BOD1L1: variants seen among roughly 807,000 people sequenced by gnomAD.
The protein encoded by BOD1L1 is biorientation of chromosomes in cell division protein 1-like 1.
Under a neutral mutation model 240.7 loss-of-function variants are expected in BOD1L1, and 86 were observed. The ratio of observed to expected loss-of-function variants is 0.36; its 90% CI spans 0.30 to 0.43. BOD1L1 has a LOEUF of 0.43. Ranked by LOEUF, BOD1L1 falls within the 20% of genes least tolerant of loss-of-function variation. The pLI is 1.00. For synonymous variants in BOD1L1, 1,268 were observed against 1,272.3 expected (o/e 1.00, Z 0.07); for missense variants, 3,554 against 3,643.5 (o/e 0.98, Z 0.63).
Position 13,613,155 on chromosome 4 carries a change from G to A in BOD1L1, c.1324+357C>T, listed in dbSNP as rs867555487. 2.6e-5 allele frequency among the ~76,000 whole-genome samples: 4 copies of A among 152,076 alleles called. No homozygotes were observed. Among genetic ancestry groups the A allele is most frequent in the South Asian group, 2.1e-4 (1 of 4,814 alleles). The stretch of plus-strand genomic sequence containing the variant: ...ATCTAACGGTGGTCTTAGGGAACCC[G>A]GAACTTGCAACTGGTGCCATTAATT... On this transcript the variant is annotated intron_variant, in intron 5 of 25. Coordinates refer to ENST00000040738, the MANE Select transcript of BOD1L1 (RefSeq NM_148894.3). This position sits in a 1 kb window ranked among gnomAD's most constrained non-coding sequence, Gnocchi z 4.0.
intron 12 of BOD1L1, among the ~76,000 whole-genome samples, chr4:13,594,580 A>G (rs1480113737): frequency 6.6e-6 from 1 of 152,190 alleles, no homozygotes; most frequent in East Asian, 1.9e-4. Flanking sequence ...TAATTATCTG[A>G]AAAGGCTACT....
In BOD1L1 at chr4:13,582,250, A is replaced by G. The variant is rs1212667048; in HGVS notation, c.8579T>C (p.Ile2860Thr). 6.2e-7 allele frequency: 1 copy of G among 1,613,034 alleles called. No individual in the cohort carries two copies. The highest frequency in any genetic ancestry group is 1.1e-5 in the South Asian group (1 of 90,954). Reference protein sequence around the residue: ...EKPEQNDDDTIKSQEEDQPII... With the variant: ...EKPEQNDDDTTKSQEEDQPII... ...AGCACATCTCACCTCCTGAGATTTTATGGTGTCATCATCGTTCTGCTCTGG... is the reference window on the plus strand; with the variant it reads ...AGCACATCTCACCTCCTGAGATTTTGTGGTGTCATCATCGTTCTGCTCTGG... The change falls in exon 19 of 26, where the codon ATA (isoleucine) becomes ACA (threonine). Residue 2860 changes from isoleucine to threonine, a missense_variant. By Grantham distance (89) the Ile-to-Thr change is moderately conservative. This residue lies in a region of BOD1L1 where 3,393 missense variants were observed against 3,427.1 expected (regional missense o/e 0.99). Transcript: ENST00000040738.
rs745778946 is a variant in BOD1L1, at chr4:13,603,515, C to T, written c.3385G>A (p.Glu1129Lys). Residue 1129 changes from glutamate to lysine, a missense_variant, in exon 10 of 26, where the codon GAA (glutamate) becomes AAA (lysine). By Grantham distance (56) the Glu-to-Lys change is moderately conservative. This residue lies in a region of BOD1L1 where 3,393 missense variants were observed against 3,427.1 expected (regional missense o/e 0.99). Coordinates refer to ENST00000040738, the MANE Select transcript of BOD1L1 (RefSeq NM_148894.3). Reference protein sequence around the residue: ...PMEIDSEPGVENVFEVSKTQD... With the variant: ...PMEIDSEPGVKNVFEVSKTQD... ...GTTTTAGATACTTCAAACACATTTT[C>T]AACACCTGGCTCAGAATCAATTTCC... 8 of 1,613,960 alleles carry T rather than the reference C, an allele frequency of 5.0e-6. No homozygotes were observed. The Admixed American group carries it at 1.2e-4, about 24-fold the overall frequency.
At position 13,600,807 on chromosome 4, in the gene BOD1L1, A is replaced by G; in HGVS notation, c.6093T>C (p.Asp2031=). The G allele has an allele frequency of 6.2e-7, 1 of 1,613,918 alleles. No individual in the cohort carries two copies. Among genetic ancestry groups the G allele is most frequent in the Admixed American group, 1.7e-5 (1 of 60,014 alleles). ...VAHTSPSEKE[D]EDIITSVENE... ...TTTCTACAGAGGTGATGATGTCCTCATCTTCTTTTTCACTTGGTGATGTGT... is the reference window on the plus strand; with the variant it reads ...TTTCTACAGAGGTGATGATGTCCTCGTCTTCTTTTTCACTTGGTGATGTGT... Residue 2031 remains aspartate (D), a synonymous_variant, in exon 10 of 26, where the codon GAT becomes GAC. Transcript: ENST00000040738.
rs1365644786 is a variant in BOD1L1 at position 13,586,337 on chromosome 4, C to T, written c.8433+59G>A. 1.7e-5 allele frequency: 16 copies of T among 946,648 alleles called. No homozygotes were observed. The East Asian group carries it at 3.7e-4, about 22-fold the overall frequency. 58.6% of individuals were successfully genotyped at this position (946,648 alleles called of 1,614,324 possible). On this transcript the variant is annotated intron_variant, in intron 17 of 25. Transcript: ENST00000040738. ...AATATTATACTAAGTATTTACAATG[C>T]TGTAATTAGGCCTCCCTACCCCCAC...
chr4:13,612,309 G>A (rs1216879640), intron 5 of BOD1L1, among the ~76,000 whole-genome samples: 1 of 152,178 alleles, frequency 6.6e-6, no homozygotes, highest in African/African-American at 2.4e-5. Flanking sequence ...GCTCTCTACA[G>A]GCAGTTGCAA....
Position 13,577,587 on chromosome 4 carries a change from T to C in BOD1L1, c.8794A>G (p.Ser2932Gly). 1 of 1,571,886 alleles carries C rather than the reference T, an allele frequency of 6.4e-7. No individual in the cohort carries two copies. Among genetic ancestry groups the C allele is most frequent in the Non-Finnish European group, 8.7e-7 (1 of 1,154,050 alleles). The change falls in exon 23 of 26, where the codon AGC (serine) becomes GGC (glycine). Residue 2932 changes from serine to glycine, a missense_variant. Ser to Gly is a moderately conservative substitution (Grantham distance 56). Coordinates refer to ENST00000040738, the MANE Select transcript of BOD1L1 (RefSeq NM_148894.3). Reference sequence around the variant, plus strand: ...ATAAGAAATTTAACACTTACATTGCTTATACTTCTTTCTTGTAGGTTAGCT... The same window carrying C: ...ATAAGAAATTTAACACTTACATTGCCTATACTTCTTTCTTGTAGGTTAGCT... The part of the protein sequence containing the change: ...ETANLQERSI[S>G]NDDGEEKIVT...
In BOD1L1 at chr4:13,600,296, C is replaced by G; in HGVS notation, c.6604G>C (p.Glu2202Gln). The change falls in exon 10 of 26, where the codon GAA (glutamate) becomes CAA (glutamine). Residue 2202 changes from glutamate to glutamine, a missense_variant. Around this residue, in one of 2 missense-constraint regions of BOD1L1, gnomAD observed 3,393 missense variants for 3,427.1 expected, o/e 0.99. Transcript: ENST00000040738. ...GPMPSAPPEA[E>Q]SPLASTSKEE... Reference sequence around the variant, plus strand: ...TTGCTGGTTGAGGCAAGAGGACTTTCAGCTTCTGGGGGCGCACTGGGCATA... The same window carrying G: ...TTGCTGGTTGAGGCAAGAGGACTTTGAGCTTCTGGGGGCGCACTGGGCATA... 6.2e-7 allele frequency: 1 copy of G among 1,614,064 alleles called. No homozygotes were observed. The highest frequency in any genetic ancestry group is 8.5e-7 in the Non-Finnish European group (1 of 1,179,900).
chr4:13,596,094 T>A (rs1181496991), intron 11 of BOD1L1, 150 bp from the exon 12 acceptor site: 4 of 640,630 alleles, frequency 6.2e-6, no homozygotes, highest in Non-Finnish European at 1.1e-5. Context: ...AATAAATACA[T>A]CAACCTTTAA....
chr4:13,580,248 C>G (rs994823387), intron 21 of BOD1L1, among the ~76,000 whole-genome samples: 1 of 152,186 alleles, frequency 6.6e-6, no homozygotes, highest in African/African-American at 2.4e-5. Flanking sequence ...TTTCCCAAGG[C>G]AAACCATTTT....
At chr4:13,626,940 A>G (rs981024094) in intron 1 of BOD1L1, among the ~76,000 whole-genome samples, 1 of 152,218 alleles carries the variant, frequency 6.6e-6, no homozygotes. Flanking sequence ...TTCAATTACC[A>G]TTTAGTCATT....
At chr4:13,576,719 G>C in intron 25 of BOD1L1, 119 bp downstream of exon 25, 1 of 1,302,530 alleles carries the variant, frequency 7.7e-7, no homozygotes, top group Non-Finnish European at 1.0e-6. Flanking sequence ...AAATGAAAGG[G>C]AAGAACTTCC....
Position 13,614,801 on chromosome 4 carries a change from G to C in BOD1L1, c.569C>G (p.Thr190Ser). The C allele has an allele frequency of 6.2e-7, 1 of 1,606,410 alleles. No individual in the cohort carries two copies. Among genetic ancestry groups the C allele is most frequent in the Non-Finnish European group, 8.5e-7 (1 of 1,177,128 alleles). Residue 190 changes from threonine (T) to serine (S), a missense_variant, in exon 4 of 26, where the codon ACT becomes AGT. Coordinates refer to ENST00000040738, the MANE Select transcript of BOD1L1 (RefSeq NM_148894.3). ...DTSLITQGVPTPGPSANVAND... is the reference protein window; with the variant it reads ...DTSLITQGVPSPGPSANVAND... ...GGCTACATTAGCACTGGGCCCAGGA[G>C]TAGGAACACCTTAAAGAAAAACAGA...
chr4:13,582,359 T>C (rs766578654), intron 18 of BOD1L1, 49 bp from the exon 19 acceptor site: 2 of 1,448,962 alleles, frequency 1.4e-6, no homozygotes, highest in Non-Finnish European at 1.9e-6. Flanking sequence ...ATGGTCAGCC[T>C]TCCCCACCTT....
intron 9 of BOD1L1, among the ~76,000 whole-genome samples, chr4:13,605,657 C>T (rs531696223): frequency 7.2e-5 from 11 of 152,196 alleles, no homozygotes; most frequent in African/African-American, 2.6e-4. Context: ...GTCAAATGTC[C>T]TTTTCAGTCA....
intron 2 of BOD1L1, among the ~76,000 whole-genome samples, chr4:13,617,400 A>G (rs1024656560): frequency 3.3e-5 from 5 of 152,066 alleles, no homozygotes; most frequent in Admixed American, 3.3e-4. Context: ...GTCCTTTCTC[A>G]CACAGAGGTC....
rs1211866008 is a variant in BOD1L1 at position 13,603,117 on chromosome 4, A to T, written c.3783T>A (p.Ala1261=). The change falls in exon 10 of 26, where the codon GCT becomes GCA. Residue 1261 remains alanine, a synonymous_variant. Coordinates refer to ENST00000040738, the MANE Select transcript of BOD1L1 (RefSeq NM_148894.3). The part of the protein sequence containing the change: ...RVQKNLKNTA[A]EEHVAQGDAT... ...CATCTCCTTGAGCAACATGTTCTTC[A>T]GCAGCTGTGTTTTTCAAATTCTTCT... is the stretch of plus-strand genomic sequence containing the variant. The T allele has an allele frequency of 6.2e-7, 1 of 1,614,036 alleles. No homozygotes were observed. The highest frequency in any genetic ancestry group is 1.1e-5 in the South Asian group (1 of 91,088).
rs1259545612 is a variant in BOD1L1 at position 13,604,497 on chromosome 4, T to C, written c.2403A>G (p.Val801=). 2 of 1,534,056 alleles carry C rather than the reference T, an allele frequency of 1.3e-6. No homozygotes were observed. The highest frequency in any genetic ancestry group is 2.3e-5 in the East Asian group (1 of 43,820). Residue 801 remains valine, a synonymous_variant, in exon 10 of 26, where the codon GTA becomes GTG. Transcript: ENST00000040738. ...AAACTGGCTTTCCATCTTTGCCTAA[T>C]ACTGATAATTTCCTTTCATTCCTAT... is the stretch of plus-strand genomic sequence containing the variant. ...SKHRNERKLS[V]LGKDGKPVSE...
chr4:13,627,019 A>T (rs1374588555), intron 1 of BOD1L1, among the ~76,000 whole-genome samples: 1 of 152,248 alleles, frequency 6.6e-6, no homozygotes, highest in Non-Finnish European at 1.5e-5. Context: ...ACTTCGATAC[A>T]AAGTAAAATC....
Sources: gnomAD v4.1 joint callset for allele counts (sites outside exome capture counted in the v4.1 genomes callset) on GRCh38, gnomAD v4.1.1 for gene constraint, gnomAD v4.1.1 regional missense constraint, Gnocchi (gnomAD v3.1) non-coding constraint, MANE v1.5 for transcripts, NCBI Gene and HGNC (gene_info 2026-07-23, HGNC 2026-07-21) for gene names.